Variants in COL8A1 observed in about 807,000 individuals in gnomAD.
COL8A1 encodes collagen type VIII alpha 1 chain.
Under a neutral mutation model 42.7 loss-of-function variants are expected in COL8A1, and 21 were observed. The ratio of observed to expected loss-of-function variants is 0.49; its 90% CI spans 0.35 to 0.71. The LOEUF (loss-of-function observed/expected upper bound fraction) is 0.71. COL8A1 is among the 30% of genes least tolerant of loss of function. The probability of loss-of-function intolerance (pLI) is 0.01; values close to 1 mark genes in which losing one functional copy is unlikely to be tolerated. For missense variants in COL8A1, 788 were observed against 962.4 expected (o/e 0.82, Z 2.40); for synonymous variants, 367 against 369.1 (o/e 0.99, Z 0.06).
At chr3:99,653,879 A>T (rs753930800) in intron 1 of COL8A1, among the ~76,000 whole-genome samples, 2 of 152,024 alleles carry the variant, frequency 1.3e-5, no homozygotes, top group Non-Finnish European at 2.9e-5. Flanking sequence ...AATAGGATAG[A>T]TGTATTTATG....
intron 1 of COL8A1, among the ~76,000 whole-genome samples, chr3:99,686,502 C>T (rs1044424618): frequency 2.0e-5 from 3 of 152,070 alleles, no homozygotes; most frequent in African/African-American, 7.2e-5. Context: ...TTATCCTATC[C>T]TAAGAAGAAC....
At chr3:99,721,386 A>G (rs1940148434) in intron 1 of COL8A1, among the ~76,000 whole-genome samples, 1 of 139,234 alleles carries the variant, frequency 7.2e-6, no homozygotes, top group Non-Finnish European at 1.6e-5. Flanking sequence ...AAAAAAAAAG[A>G]AAGGAAAGGA....
chr3:99,652,705 A>G (rs1465493908), intron 1 of COL8A1, among the ~76,000 whole-genome samples: 1 of 152,208 alleles, frequency 6.6e-6, no homozygotes, highest in Admixed American at 6.5e-5. Flanking sequence ...CTCCTCAATA[A>G]TATGGCAGCT....
intron 1 of COL8A1, among the ~76,000 whole-genome samples, chr3:99,707,836 G>A (rs1267434040): frequency 1.3e-5 from 2 of 152,106 alleles, no homozygotes; most frequent in East Asian, 3.9e-4. Context: ...TGCAGATACT[G>A]CTCTAAGAGC....
intron 1 of COL8A1, among the ~76,000 whole-genome samples, chr3:99,662,227 T>C (rs1162346187): frequency 6.6e-6 from 1 of 151,756 alleles, no homozygotes; most frequent in Non-Finnish European, 1.5e-5. Context: ...AAAATTATTT[T>C]AAAAATTAGC....
intron 1 of COL8A1, among the ~76,000 whole-genome samples, chr3:99,727,941 A>G (rs1010425473): frequency 4.6e-5 from 7 of 151,202 alleles, no homozygotes; most frequent in South Asian, 2.1e-4. Context: ...AAATTCAACA[A>G]CCCTTCATGC....
chr3:99,639,692 A>G (rs1937466976), intron 1 of COL8A1, among the ~76,000 whole-genome samples: 1 of 152,238 alleles, frequency 6.6e-6, no homozygotes, highest in African/African-American at 2.4e-5. Context: ...CTGTAAAACC[A>G]GACACTTGGT....
chr3:99,744,325 T>C (rs139188930), intron 1 of COL8A1, among the ~76,000 whole-genome samples: 1 of 152,260 alleles, frequency 6.6e-6, no homozygotes, highest in African/African-American at 2.4e-5. Flanking sequence ...TACATTTTAA[T>C]TGGAGACAAG....
intron 2 of COL8A1, among the ~76,000 whole-genome samples, chr3:99,747,321 A>T (rs957528304): frequency 6.6e-6 from 1 of 152,236 alleles, no homozygotes; most frequent in Admixed American, 6.5e-5. Context: ...TAAGATACCT[A>T]ATGTGCCTTA....
chr3:99,706,272 C>T (rs1467975604), intron 1 of COL8A1, among the ~76,000 whole-genome samples: 2 of 152,184 alleles, frequency 1.3e-5, no homozygotes, highest in African/African-American at 4.8e-5. Flanking sequence ...GGATGTTAAT[C>T]TCTGGTTCAG....
chr3:99,772,743 G>A (rs1271357072), intron 2 of COL8A1, among the ~76,000 whole-genome samples: 1 of 152,186 alleles, frequency 6.6e-6, no homozygotes, highest in Non-Finnish European at 1.5e-5. Flanking sequence ...AGCATGATGG[G>A]GATGCCAAAG....
chr3:99,709,804 A>G (rs147947053), intron 1 of COL8A1, among the ~76,000 whole-genome samples: 23 of 152,260 alleles, frequency 1.5e-4, no homozygotes, highest in African/African-American at 4.8e-4. Context: ...TTATGGTGTA[A>G]TGTTTTTTGA....
At chr3:99,752,820 C>G (rs555515810) in intron 2 of COL8A1, among the ~76,000 whole-genome samples, 134 of 151,960 alleles carry the variant, frequency 8.8e-4, no homozygotes, top group African/African-American at 3.0e-3. Flanking sequence ...AAATAAATGA[C>G]TTTTTAATTT....
chr3:99,681,187 T>C (rs546586249), intron 1 of COL8A1, among the ~76,000 whole-genome samples: 2 of 152,210 alleles, frequency 1.3e-5, no homozygotes, highest in East Asian at 3.9e-4. Context: ...TAAACTACCA[T>C]CAGAGTGAAC....
At chr3:99,667,183 A>G (rs574002038) in intron 1 of COL8A1, among the ~76,000 whole-genome samples, 5 of 152,286 alleles carry the variant, frequency 3.3e-5, no homozygotes, top group African/African-American at 1.2e-4. Flanking sequence ...ACAGTTTCCT[A>G]TCAAATGAGC....
In COL8A1 at chr3:99,643,572, G is replaced by A. The variant is rs554695583; in HGVS notation, c.-129+4908G>A. On this transcript the variant is annotated intron_variant, in intron 1 of 3. Transcript: ENST00000652472. ...GGATTTACAAAGTAAATTTTACTTC[G>A]TAGAAAACAGTCTATACAGACATAC... 8.5e-5 allele frequency among the ~76,000 whole-genome samples: 13 copies of A among 152,236 alleles called. No individual in the cohort carries two copies. In the East Asian group the frequency reaches 9.7e-4, roughly 11 times the overall value.
chr3:99,691,202 T>C (rs1233126354), intron 1 of COL8A1, among the ~76,000 whole-genome samples: 1 of 152,142 alleles, frequency 6.6e-6, no homozygotes, highest in Non-Finnish European at 1.5e-5. Flanking sequence ...GTGGCCAAAA[T>C]ACTGAGCCCA....
chr3:99,693,116 G>A (rs1282473046), intron 1 of COL8A1, among the ~76,000 whole-genome samples: 1 of 152,204 alleles, frequency 6.6e-6, no homozygotes. Flanking sequence ...TTTGAACCTG[G>A]GAGGTGGAGG....
At chr3:99,715,445 C>T (rs557091662) in intron 1 of COL8A1, among the ~76,000 whole-genome samples, 42 of 152,100 alleles carry the variant, frequency 2.8e-4, no homozygotes, top group African/African-American at 9.9e-4. Context: ...AAGTACTGGG[C>T]TTTTGCCCTT....
Sources: allele counts gnomAD v4.1 joint callset (sites outside exome capture counted in the v4.1 genomes callset), GRCh38; gene constraint gnomAD v4.1.1; transcripts MANE v1.5; gene names NCBI Gene and HGNC (gene_info 2026-07-23, HGNC 2026-07-21).